DLG2: variants seen among roughly 807,000 people sequenced by gnomAD.
DLG2 encodes discs large MAGUK scaffold protein 2, also known as disks large homolog 2.
DLG2 carries 45 observed loss-of-function variants against 132.5 expected under a neutral mutation model. The ratio of observed to expected loss-of-function variants is 0.34; its 90% CI spans 0.27 to 0.44. The LOEUF is 0.44. DLG2 is among the 20% of genes least tolerant of loss of function. The pLI is 1.00. For synonymous variants in DLG2, 424 were observed against 419.6 expected (o/e 1.01, Z -0.13); for missense variants, 1,045 against 1,196.9 (o/e 0.87, Z 1.87).
intron 6 of DLG2, among the ~76,000 whole-genome samples, chr11:84,739,700 C>G (rs2064336239): frequency 6.6e-6 from 1 of 152,106 alleles, no homozygotes; most frequent in South Asian, 2.1e-4. Context: ...ATTAGAATTT[C>G]CATTTTTCCT....
chr11:85,498,281 T>C (rs948232559), intron 3 of DLG2, among the ~76,000 whole-genome samples: 14 of 152,164 alleles, frequency 9.2e-5, no homozygotes, highest in Admixed American at 5.2e-4. Flanking sequence ...ATTGAAATCC[T>C]AGTCTCTGAT....
intron 11 of DLG2, among the ~76,000 whole-genome samples, chr11:84,036,194 T>C (rs1248679748): frequency 6.6e-6 from 1 of 152,030 alleles, no homozygotes; most frequent in Non-Finnish European, 1.5e-5. Context: ...TCGGGAACTC[T>C]AGGCTTTAGA....
intron 6 of DLG2, among the ~76,000 whole-genome samples, chr11:84,879,202 C>T (rs1044061321): frequency 6.6e-6 from 1 of 152,094 alleles, no homozygotes; most frequent in African/African-American, 2.4e-5. Context: ...AAGTCAATCA[C>T]CAAAGATAAG....
intron 6 of DLG2, among the ~76,000 whole-genome samples, chr11:84,675,082 T>G (rs775598437): frequency 1.3e-5 from 2 of 152,126 alleles, no homozygotes; most frequent in Non-Finnish European, 2.9e-5. Context: ...AAGTTGCAAC[T>G]GCAGGCCTGA....
chr11:84,729,234 T>C (rs896013205), intron 6 of DLG2, among the ~76,000 whole-genome samples: 2 of 152,202 alleles, frequency 1.3e-5, no homozygotes, highest in African/African-American at 4.8e-5. Context: ...GTGCTATGTT[T>C]CCCTCTACAC....
intron 11 of DLG2, among the ~76,000 whole-genome samples, chr11:84,015,245 G>A (rs915441954): frequency 1.3e-5 from 2 of 152,094 alleles, no homozygotes; most frequent in Non-Finnish European, 2.9e-5. Flanking sequence ...TAAATATAAA[G>A]AAGCATGTGC....
chr11:83,730,095 G>T (rs1202228467), intron 18 of DLG2, among the ~76,000 whole-genome samples: 2 of 150,068 alleles, frequency 1.3e-5, no homozygotes, highest in Non-Finnish European at 3.0e-5. Context: ...TGCTACTCAG[G>T]GTCAATCATT....
At chr11:85,235,285 A>G (rs2075523808) in intron 4 of DLG2, among the ~76,000 whole-genome samples, 1 of 152,008 alleles carries the variant, frequency 6.6e-6, no homozygotes, top group African/African-American at 2.4e-5. Flanking sequence ...CTATCAAGTA[A>G]AGATATTCTT....
intron 6 of DLG2, among the ~76,000 whole-genome samples, chr11:84,728,447 A>T (rs2062760562): frequency 6.6e-6 from 1 of 152,136 alleles, no homozygotes; most frequent in Non-Finnish European, 1.5e-5. Flanking sequence ...AACCAACTTG[A>T]TCGTGGTGGA....
intron 4 of DLG2, among the ~76,000 whole-genome samples, chr11:85,164,768 G>T (rs934672186): frequency 1.3e-5 from 2 of 152,154 alleles, no homozygotes; most frequent in African/African-American, 4.8e-5. Flanking sequence ...AGATTAAAAA[G>T]CATCTTATGA....
chr11:84,289,962 T>G (rs987236573), intron 7 of DLG2, among the ~76,000 whole-genome samples: 5 of 152,126 alleles, frequency 3.3e-5, no homozygotes, highest in Non-Finnish European at 5.9e-5. Flanking sequence ...ATAAGGGGCT[T>G]GCAGATTTCA....
intron 6 of DLG2, among the ~76,000 whole-genome samples, chr11:84,646,308 T>C (rs992240711): frequency 6.8e-6 from 1 of 146,772 alleles, no homozygotes; most frequent in Non-Finnish European, 1.5e-5. Context: ...ACCACCTCCG[T>C]GGCTGTAAAT....
intron 18 of DLG2, among the ~76,000 whole-genome samples, chr11:83,696,336 C>A (rs1460172457): frequency 1.3e-5 from 2 of 152,204 alleles, no homozygotes; most frequent in Non-Finnish European, 2.9e-5. Context: ...TAGATAAGCT[C>A]TTCCTTTTCT....
intron 4 of DLG2, among the ~76,000 whole-genome samples, chr11:85,253,385 G>A (rs756834290): frequency 6.6e-6 from 1 of 152,202 alleles, no homozygotes; most frequent in Non-Finnish European, 1.5e-5. Context: ...GGAAACTGGA[G>A]TGAACAGGTG....
At chr11:85,515,002 A>T (rs1417042112) in intron 3 of DLG2, among the ~76,000 whole-genome samples, 1 of 151,936 alleles carries the variant, frequency 6.6e-6, no homozygotes, top group Non-Finnish European at 1.5e-5. Context: ...AGAGTTGGGA[A>T]CTATAGAATC....
At chr11:84,363,200 T>C (rs2098660908) in intron 7 of DLG2, among the ~76,000 whole-genome samples, 1 of 152,064 alleles carries the variant, frequency 6.6e-6, no homozygotes, top group African/African-American at 2.4e-5. Flanking sequence ...ATGATCGCCA[T>C]TCTAACTGGT....
intron 8 of DLG2, among the ~76,000 whole-genome samples, chr11:84,203,581 C>CAAAAAAAAAAAAAAAAAA: frequency 1.0e-5 from 1 of 99,426 alleles, no homozygotes; most frequent in Non-Finnish European, 1.8e-5. Flanking sequence ...GACTCCGTCT[C>CAAAAAAAAAAAAAAAAAA]AAAAAAAAAA....
intron 3 of DLG2, among the ~76,000 whole-genome samples, chr11:85,415,629 CAT>C (rs1357177767): frequency 6.6e-6 from 1 of 151,952 alleles, no homozygotes; most frequent in African/African-American, 2.4e-5. Flanking sequence ...AGTTTTTTTT[CAT>C]ATGTTTGCTG....
At chr11:84,051,662 T>C (rs2096385200) in intron 11 of DLG2, among the ~76,000 whole-genome samples, 2 of 148,872 alleles carry the variant, frequency 1.3e-5, no homozygotes, top group African/African-American at 2.5e-5. Flanking sequence ...TTAGGAGATA[T>C]ACCTAATGTT....
Sources: gnomAD v4.1 joint callset for allele counts (sites outside exome capture counted in the v4.1 genomes callset) on GRCh38, gnomAD v4.1.1 for gene constraint, MANE v1.5 for transcripts, NCBI Gene and HGNC (gene_info 2026-07-23, HGNC 2026-07-21) for gene names.